Variants in NMBR observed in about 807,000 individuals in gnomAD.
NMBR encodes the protein neuromedin B receptor.
In NMBR, 16 loss-of-function variants were observed where a neutral mutation model predicts 20.5. The ratio of observed to expected loss-of-function variants is 0.78; its 90% confidence interval spans 0.53 to 1.19. NMBR has a LOEUF of 1.19. NMBR is among the 50% of genes most tolerant of loss of function. The probability of loss-of-function intolerance (pLI) is 0.00; values close to 1 mark genes in which losing one functional copy is unlikely to be tolerated. For missense variants in NMBR, 582 were observed against 499.1 expected (o/e 1.17, Z -1.58); for synonymous variants, 212 against 196.6 (o/e 1.08, Z -0.65).
rs1777353727 is a variant in NMBR at position 142,092,727 on chromosome 6, C to T, written c.-663-3406G>A. Among the ~76,000 whole-genome samples the T allele has an allele frequency of 2.0e-5, 3 of 152,126 alleles. No homozygotes were observed. The South Asian group carries it at 6.2e-4, about 32-fold the overall frequency. On this transcript the variant is annotated intron_variant, in intron 1 of 3. Coordinates refer to ENST00000258042, the MANE Select transcript of NMBR (RefSeq NM_002511.4). ...CCCATGCACAAGGATAAGGAATCCA[C>T]AGTGAGCCTGGAAGTCTCTCTTACT...
intron 1 of NMBR, among the ~76,000 whole-genome samples, chr6:142,135,587 T>C (rs1277201799): frequency 6.6e-6 from 1 of 151,452 alleles, no homozygotes; most frequent in Non-Finnish European, 1.5e-5. Context: ...GCTGGTGTGC[T>C]GCACCCATTA....
chr6:142,103,132 G>A (rs1777595701), intron 1 of NMBR, among the ~76,000 whole-genome samples: 1 of 152,120 alleles, frequency 6.6e-6, no homozygotes, highest in African/African-American at 2.4e-5. Context: ...AATGTGGATG[G>A]CACAATGGCA....
chr6:142,145,051 AGAAG>A (rs1778410303), intron 1 of NMBR, among the ~76,000 whole-genome samples: 1 of 151,650 alleles, frequency 6.6e-6, no homozygotes, highest in Non-Finnish European at 1.5e-5. Context: ...AAAGAAAAAA[AGAAG>A]GAAGGAAGGA....
chr6:142,136,292 T>A (rs1367282068), intron 1 of NMBR, among the ~76,000 whole-genome samples: 5 of 152,242 alleles, frequency 3.3e-5, no homozygotes, highest in African/African-American at 1.2e-4. Context: ...CATAAATGTC[T>A]TCTTTTGAGA....
chr6:142,105,398 T>C (rs1307770577), intron 1 of NMBR, among the ~76,000 whole-genome samples: 1 of 152,224 alleles, frequency 6.6e-6, no homozygotes, highest in Non-Finnish European at 1.5e-5. Context: ...TAGTTTTATG[T>C]TGTGTATTAT....
intron 1 of NMBR, among the ~76,000 whole-genome samples, chr6:142,136,395 GC>G (rs1354831586): frequency 6.6e-6 from 1 of 152,014 alleles, no homozygotes. Context: ...CTGGATATTA[GC>G]CCTTTGTCAG....
intron 2 of NMBR, among the ~76,000 whole-genome samples, chr6:142,085,673 A>G (rs970413516): frequency 1.3e-5 from 2 of 152,206 alleles, no homozygotes; most frequent in Non-Finnish European, 1.5e-5. Flanking sequence ...GCTGACATCA[A>G]TGAAGTGTAG....
intron 1 of NMBR, among the ~76,000 whole-genome samples, chr6:142,105,113 A>G (rs1008533084): frequency 6.7e-6 from 1 of 149,440 alleles, no homozygotes; most frequent in African/African-American, 2.5e-5. Flanking sequence ...AGGGCGGGGG[A>G]ATATCACAAA....
chr6:142,125,307 T>C (rs1778011133), intron 1 of NMBR, among the ~76,000 whole-genome samples: 1 of 151,884 alleles, frequency 6.6e-6, no homozygotes, highest in Non-Finnish European at 1.5e-5. Flanking sequence ...TAGAGATTAC[T>C]TCCCCTTGTT....
intron 1 of NMBR, among the ~76,000 whole-genome samples, chr6:142,130,567 C>T (rs1003446743): frequency 6.6e-6 from 1 of 152,032 alleles, no homozygotes; most frequent in Non-Finnish European, 1.5e-5. Context: ...ATGACTCTTA[C>T]TAAAACTAAG....
rs73777123 is a variant in NMBR, at chr6:142,088,706, C to G, written c.-48G>C. On this transcript the variant is annotated 5_prime_UTR_variant, in exon 2 of 4. Coordinates refer to ENST00000258042, the MANE Select transcript of NMBR (RefSeq NM_002511.4). ...GCTGGAGTTTTCACGCGCTCCGGTGCCCTGAGGACTGAACGCCCACGATTT... is the reference window on the plus strand; with the variant it reads ...GCTGGAGTTTTCACGCGCTCCGGTGGCCTGAGGACTGAACGCCCACGATTT... 5.3e-4 allele frequency: 813 copies of G among 1,523,008 alleles called. 3 individuals carry two copies. In the African/African-American group the frequency reaches 0.01, roughly 19 times the overall value. The allele number at this position is 1,523,008 out of a possible 1,614,324, so 94.3% of individuals were successfully genotyped here.
chr6:142,094,423 C>T (rs949798685), intron 1 of NMBR, among the ~76,000 whole-genome samples: 5 of 152,154 alleles, frequency 3.3e-5, no homozygotes, highest in Non-Finnish European at 7.4e-5. Flanking sequence ...TTCCCCATTT[C>T]TTGTTTTTGT....
chr6:142,126,756 G>GGTT (rs1778045527), intron 1 of NMBR, among the ~76,000 whole-genome samples: 1 of 92,900 alleles, frequency 1.1e-5, no homozygotes, highest in Non-Finnish European at 2.0e-5. Flanking sequence ...TTATTTGAGG[G>GGTT]ATTTTTTTTT....
intron 1 of NMBR, among the ~76,000 whole-genome samples, chr6:142,116,355 G>A (rs1013782615): frequency 6.6e-6 from 1 of 151,770 alleles, no homozygotes; most frequent in Non-Finnish European, 1.5e-5. Context: ...TATATAGAAT[G>A]TTTGGCTCTA....
In NMBR at chr6:142,078,667, T is replaced by C. The variant is rs766748112; in HGVS notation, c.659A>G (p.Tyr220Cys). 6.2e-7 allele frequency: 1 copy of C among 1,613,514 alleles called. No homozygotes were observed. The highest frequency in any genetic ancestry group is 8.5e-7 in the Non-Finnish European group (1 of 1,179,564). ...AATAATAGCAAGTGGTATGAGGAAA[T>C]AGACCAAGAAAATGAGCACTGAATG... is the stretch of plus-strand genomic sequence containing the variant. The part of the protein sequence containing the change: ...KIHSVLIFLV[Y>C]FLIPLAIISI... The change falls in exon 3 of 4, where the codon TAT becomes TGT. Residue 220 changes from tyrosine to cysteine, a missense_variant. By Grantham distance (194) the Tyr-to-Cys change is radical. Transcript: ENST00000258042.
rs7453944 is a variant in NMBR at position 142,075,653 on chromosome 6, G to T, written c.1168C>A (p.Leu390Met). ...NGHSMKQEMAL is the reference protein window; with the variant it reads ...NGHSMKQEMAM ...AGTGAGTTGAATGGCCAAAATCACA[G>T]TGCCATTTCCTGCTTCATGCTGTGC... Residue 390 changes from leucine to methionine, a missense_variant, in exon 4 of 4, where the codon CTG (leucine) becomes ATG (methionine). Leu to Met is a conservative substitution (Grantham distance 15, BLOSUM62 2). Transcript: ENST00000258042. 0.084 allele frequency: 134,201 copies of T among 1,602,362 alleles called. 6,698 individuals carry two copies. Among genetic ancestry groups the T allele is most frequent in the Admixed American group, 0.22 (12,992 of 58,630 alleles).
intron 1 of NMBR, among the ~76,000 whole-genome samples, chr6:142,127,504 T>C (rs995899094): frequency 6.6e-6 from 1 of 152,038 alleles, no homozygotes; most frequent in Non-Finnish European, 1.5e-5. Context: ...TTTAGGATTG[T>C]TTTTTCTATT....
intron 2 of NMBR, among the ~76,000 whole-genome samples, chr6:142,085,543 A>C (rs944070888): frequency 1.3e-5 from 2 of 152,104 alleles, no homozygotes; most frequent in South Asian, 4.1e-4. Flanking sequence ...AAATATAATA[A>C]TAATCACAGA....
intron 1 of NMBR, among the ~76,000 whole-genome samples, chr6:142,095,248 C>A (rs1777422651): frequency 6.6e-6 from 1 of 152,090 alleles, no homozygotes; most frequent in African/African-American, 2.4e-5. Flanking sequence ...AAAGGGAATG[C>A]TTCCGGTTTT....
Sources: allele counts gnomAD v4.1 joint callset (sites outside exome capture counted in the v4.1 genomes callset), GRCh38; gene constraint gnomAD v4.1.1; transcripts MANE v1.5; gene names NCBI Gene and HGNC (gene_info 2026-07-23, HGNC 2026-07-21).